Variants in ADAMTSL1 observed in about 807,000 individuals in gnomAD.
ADAMTSL1 encodes the protein ADAMTS-like protein 1.
ADAMTSL1 carries 126 observed loss-of-function variants against 201.8 expected under a neutral mutation model. The ratio of observed to expected loss-of-function variants is 0.62; its 90% confidence interval spans 0.54 to 0.72. The LOEUF (loss-of-function observed/expected upper bound fraction) is 0.72, where lower values mean the gene tolerates loss of function less well. Among genes scored for constraint, ADAMTSL1 ranks in the 30% least tolerant of loss-of-function variants. The pLI is 0.00. For missense variants in ADAMTSL1, 2,679 were observed against 2,277.8 expected, an observed-to-expected ratio of 1.18 and a Z score of -3.59; for synonymous variants, 1,121 against 903.4, an observed-to-expected ratio of 1.24 and a Z score of -4.32.
At chr9:18,654,527 G>A (rs1399308933) in intron 7 of ADAMTSL1, among the ~76,000 whole-genome samples, 2 of 152,168 alleles carry the variant, frequency 1.3e-5, no homozygotes, top group African/African-American at 4.8e-5. Context: ...TGATGAGCAG[G>A]ATAAATGTAC....
chr9:18,512,234 G>T (rs1263826644), intron 2 of ADAMTSL1, among the ~76,000 whole-genome samples: 1 of 152,078 alleles, frequency 6.6e-6, no homozygotes, highest in African/African-American at 2.4e-5. Context: ...ATATCTTAGG[G>T]GGGTGTATTG....
At chr9:18,787,529 G>A (rs886927335) in intron 19 of ADAMTSL1, among the ~76,000 whole-genome samples, 1 of 152,136 alleles carries the variant, frequency 6.6e-6, no homozygotes, top group Non-Finnish European at 1.5e-5. Flanking sequence ...GTGGTTAACT[G>A]TTTTAGTATA....
chr9:17,991,940 T>C (rs942737646), intron 1 of ADAMTSL1, among the ~76,000 whole-genome samples: 5 of 152,072 alleles, frequency 3.3e-5, no homozygotes, highest in African/African-American at 1.2e-4. Flanking sequence ...CTCTCTCTCA[T>C]TGCTCCCCAT....
intron 9 of ADAMTSL1, among the ~76,000 whole-genome samples, chr9:18,673,252 A>G (rs1164912882): frequency 6.6e-6 from 1 of 152,186 alleles, no homozygotes; most frequent in African/African-American, 2.4e-5. Flanking sequence ...AAAAAAAAGT[A>G]AGCAATAGGA....
At chr9:18,675,522 G>A (rs983749670) in intron 9 of ADAMTSL1, among the ~76,000 whole-genome samples, 3 of 152,138 alleles carry the variant, frequency 2.0e-5, no homozygotes, top group African/African-American at 7.2e-5. Flanking sequence ...TGACCTCATA[G>A]GATGTATAAT....
intron 15 of ADAMTSL1, 93 bp from the exon 16 acceptor site, chr9:18,753,205 C>T: frequency 1.6e-6 from 2 of 1,274,822 alleles, no homozygotes; most frequent in Non-Finnish European, 2.2e-6. Flanking sequence ...CCCACTTTCC[C>T]AGTTAGGGGT....
chr9:18,696,273 A>G (rs983459490), intron 13 of ADAMTSL1, among the ~76,000 whole-genome samples: 5 of 152,216 alleles, frequency 3.3e-5, no homozygotes, highest in African/African-American at 1.2e-4. Context: ...CCAAACAAAG[A>G]GAAGGGAAGA....
chr9:18,375,987 A>G (rs1837278993), intron 2 of ADAMTSL1, among the ~76,000 whole-genome samples: 1 of 152,096 alleles, frequency 6.6e-6, no homozygotes, highest in African/African-American at 2.4e-5. Flanking sequence ...GGTGCATTTT[A>G]CAATCCTAGC....
intron 8 of ADAMTSL1, among the ~76,000 whole-genome samples, chr9:18,659,829 A>C (rs1179179471): frequency 1.3e-5 from 2 of 152,140 alleles, no homozygotes; most frequent in Non-Finnish European, 2.9e-5. Flanking sequence ...AATTACTTTG[A>C]TGTTCCATGG....
intron 2 of ADAMTSL1, among the ~76,000 whole-genome samples, chr9:18,200,828 C>T (rs1829413052): frequency 6.6e-6 from 1 of 151,648 alleles, no homozygotes; most frequent in Admixed American, 6.6e-5. Flanking sequence ...TAACAGAATA[C>T]AAGGATAAAC....
chr9:18,306,495 C>A (rs1191645054), intron 2 of ADAMTSL1, among the ~76,000 whole-genome samples: 1 of 151,996 alleles, frequency 6.6e-6, no homozygotes, highest in East Asian at 1.9e-4. Flanking sequence ...TAGAGAAGAA[C>A]AGAAATGAAT....
chr9:18,277,654 T>G (rs972492515), intron 2 of ADAMTSL1, among the ~76,000 whole-genome samples: 12 of 152,204 alleles, frequency 7.9e-5, no homozygotes, highest in African/African-American at 2.9e-4. Flanking sequence ...CTCTTTCAGC[T>G]ATGTGTGACT....
At chr9:18,374,348 T>G (rs1837189337) in intron 2 of ADAMTSL1, among the ~76,000 whole-genome samples, 2 of 151,878 alleles carry the variant, frequency 1.3e-5, no homozygotes, top group Non-Finnish European at 2.9e-5. Flanking sequence ...TTTTTTTTAT[T>G]TTTTGGGATG....
chr9:18,063,615 C>T (rs555183275), intron 1 of ADAMTSL1, among the ~76,000 whole-genome samples: 13 of 152,280 alleles, frequency 8.5e-5, no homozygotes, highest in African/African-American at 2.4e-4. Context: ...GACTAGGACC[C>T]GTCAGAATGG....
At chr9:17,992,477 T>A (rs1031760706) in intron 1 of ADAMTSL1, among the ~76,000 whole-genome samples, 1 of 152,212 alleles carries the variant, frequency 6.6e-6, no homozygotes, top group Non-Finnish European at 1.5e-5. Context: ...TTCAGATGAA[T>A]GCTTGTACTT....
chr9:18,839,281 G>A (rs550802845), intron 23 of ADAMTSL1, among the ~76,000 whole-genome samples: 1 of 148,718 alleles, frequency 6.7e-6, no homozygotes, highest in Non-Finnish European at 1.5e-5. Context: ...AGAACATGCG[G>A]TGTTTGGTTT....
chr9:18,737,875 G>A (rs1007400529), intron 15 of ADAMTSL1, among the ~76,000 whole-genome samples: 14 of 152,250 alleles, frequency 9.2e-5, no homozygotes, highest in Middle Eastern at 3.4e-3. Context: ...TTAGTGATTC[G>A]GAATGTAGTA....
rs1262920821 is a variant in ADAMTSL1 at position 18,908,563 on chromosome 9, G to A, written c.*15G>A. 2.6e-6 allele frequency: 4 copies of A among 1,550,438 alleles called. No homozygotes were observed. Among genetic ancestry groups the A allele is most frequent in the Non-Finnish European group, 3.5e-6 (4 of 1,145,208 alleles). On this transcript the variant is annotated 3_prime_UTR_variant, in exon 29 of 29. Coordinates refer to ENST00000380548, the MANE Select transcript of ADAMTSL1 (RefSeq NM_001040272.6). ...GCAAAGCGTGAAGATAGGGTGTGGG[G>A]AAAAACTCTACCCTGGCCACACGAA...
At chr9:18,713,792 G>A (rs1398631135) in intron 14 of ADAMTSL1, among the ~76,000 whole-genome samples, 16 of 148,606 alleles carry the variant, frequency 1.1e-4, no homozygotes, top group East Asian at 3.9e-4. Flanking sequence ...TCAACAGAAT[G>A]TACATTTTTT....
Sources: gnomAD v4.1 joint callset for allele counts (sites outside exome capture counted in the v4.1 genomes callset) on GRCh38, gnomAD v4.1.1 for gene constraint, MANE v1.5 for transcripts, NCBI Gene and HGNC (gene_info 2026-07-23, HGNC 2026-07-21) for gene names.